Variants in CASK observed in about 807,000 individuals in gnomAD.
The protein encoded by CASK is peripheral plasma membrane protein CASK.
A neutral mutation model predicts 82.9 loss-of-function variants in CASK; 4 were observed. That is an observed-to-expected ratio of 0.05 (90% confidence interval 0.02 to 0.11). The LOEUF is 0.11. Among genes scored for constraint, CASK ranks in the 10% least tolerant of loss-of-function variants. The probability of loss-of-function intolerance (pLI) is 1.00; values close to 1 mark genes in which losing one functional copy is unlikely to be tolerated. For missense variants in CASK, 358 were observed against 720.9 expected (o/e 0.50, Z 5.76); for synonymous variants, 259 against 253.5 (o/e 1.02, Z -0.20).
chrX:41,608,000 C>T (rs1021342912), intron 12 of CASK, among the ~76,000 whole-genome samples: 1 of 112,225 alleles, frequency 8.9e-6, no homozygotes, highest in Non-Finnish European at 1.9e-5. Context: ...ACACTATATA[C>T]AAAGGCCAAA....
chrX:41,830,664 C>CA (rs1467362739), intron 2 of CASK, among the ~76,000 whole-genome samples: 5 of 107,168 alleles, frequency 4.7e-5, no homozygotes, highest in Admixed American at 9.9e-5. Context: ...ACTAAAAATA[C>CA]AAAAAATTAG....
chrX:41,853,080 G>T, intron 2 of CASK, 35 bp downstream of exon 2: 1 of 936,230 alleles, frequency 1.1e-6, no homozygotes, highest in South Asian at 2.0e-5. Context: ...AATAAAGCCA[G>T]ACATCAAATA....
At chrX:41,830,602 T>A (rs74739638) in intron 2 of CASK, among the ~76,000 whole-genome samples, 1 of 107,007 alleles carries the variant, frequency 9.3e-6, no homozygotes, top group Non-Finnish European at 1.9e-5. Context: ...GGGCGGATCA[T>A]GAAGTCAGTA....
At chrX:41,650,800 A>C (rs1051785408) in intron 8 of CASK, among the ~76,000 whole-genome samples, 5 of 111,184 alleles carry the variant, frequency 4.5e-5, no homozygotes, top group African/African-American at 1.6e-4. Flanking sequence ...TTCATATTTA[A>C]ATTTCAACCA....
chrX:41,618,256 C>T (rs1364533833), intron 11 of CASK, among the ~76,000 whole-genome samples: 3 of 112,245 alleles, frequency 2.7e-5, no homozygotes, highest in African/African-American at 9.7e-5. Context: ...TGCTTTTATA[C>T]TTACTACCTT....
chrX:41,613,153 A>G (rs1383257637), intron 11 of CASK, among the ~76,000 whole-genome samples: 14 of 105,985 alleles, frequency 1.3e-4, no homozygotes, highest in East Asian at 3.0e-4. Flanking sequence ...CATTGAGAAC[A>G]GGCCATGATG....
chrX:41,760,966 C>T lies in CASK; in HGVS notation c.279-15365G>A, dbSNP rs775810111. Among the ~76,000 whole-genome samples the T allele has an allele frequency of 2.4e-3, 271 of 111,410 alleles. 1 individual carries two copies. The highest frequency in any genetic ancestry group is 8.5e-3 in the African/African-American group (260 of 30,708). ...ACCAAATCAGTCATAACCATTGCAT[C>T]AGTTTGCTTGCTATCCTGTGTAAGT... On this transcript the variant is annotated intron_variant, in intron 3 of 26. Transcript: ENST00000378163.
intron 19 of CASK, among the ~76,000 whole-genome samples, chrX:41,556,632 A>G (rs1464415937): frequency 8.9e-6 from 1 of 112,163 alleles, no homozygotes; most frequent in Non-Finnish European, 1.9e-5. Flanking sequence ...AGAATAGAAA[A>G]CTACAAAGCC....
At chrX:41,773,571 T>C (rs2069288524) in intron 3 of CASK, among the ~76,000 whole-genome samples, 1 of 110,605 alleles carries the variant, frequency 9.0e-6, no homozygotes, top group Non-Finnish European at 1.9e-5. Context: ...TAGTCATGTG[T>C]TGCTAACGAT....
chrX:41,541,517 T>C (rs1314031184), intron 22 of CASK, among the ~76,000 whole-genome samples: 1 of 112,630 alleles, frequency 8.9e-6, no homozygotes, highest in Non-Finnish European at 1.9e-5. Flanking sequence ...TTACACTGTT[T>C]TTGGAAATAA....
Position 41,710,081 on chromosome X carries a change from T to TTGTGTGTGTGTGTGTGTGTG in CASK, c.429+29283_429+29302dup, listed in dbSNP as rs57963407. Among the ~76,000 whole-genome samples, 123 of 72,175 alleles carry TTGTGTGTGTGTGTGTGTGTG rather than the reference T, an allele frequency of 1.7e-3. 3 individuals are homozygous for TTGTGTGTGTGTGTGTGTGTG. Among genetic ancestry groups the TTGTGTGTGTGTGTGTGTGTG allele is most frequent in the Non-Finnish European group, 2.2e-3 (86 of 38,851 alleles). 62.7% of individuals were successfully genotyped at this position (72,175 alleles called of 115,157 possible). A position where few individuals can be genotyped will look rare whatever the true frequency, so the allele number is the denominator to read the frequency against. On this transcript the variant is annotated intron_variant, in intron 5 of 26. Coordinates refer to ENST00000378163, the MANE Select transcript of CASK (RefSeq NM_001367721.1). ...GTCACTGTTTCCCAGGGTATAGATTTTGTGTGTGTGTGTGTGTGTGTGTGT... is the reference window on the plus strand; with the variant it reads ...GTCACTGTTTCCCAGGGTATAGATTTTGTGTGTGTGTGTGTGTGTGTGTGTGTGTGTGTGTGTGTGTGTGT...
chrX:41,528,402 T>C (rs1020840668), intron 25 of CASK, among the ~76,000 whole-genome samples: 1 of 112,622 alleles, frequency 8.9e-6, no homozygotes, highest in African/African-American at 3.2e-5. Flanking sequence ...ACGTGCTCAA[T>C]TGGGCCTCAG....
intron 2 of CASK, among the ~76,000 whole-genome samples, chrX:41,801,650 G>C (rs1235821759): frequency 3.6e-5 from 4 of 111,443 alleles, no homozygotes; most frequent in African/African-American, 6.5e-5. Context: ...TTGAGGGCAG[G>C]GTTGCATGGT....
chrX:41,574,878 A>C (rs925676130), intron 15 of CASK, among the ~76,000 whole-genome samples: 13 of 112,417 alleles, frequency 1.2e-4, no homozygotes, highest in African/African-American at 3.6e-4. Context: ...ACCACTCCAC[A>C]AACTATAACT....
chrX:41,537,675 TA>T (rs1165182770), intron 22 of CASK, among the ~76,000 whole-genome samples: 1 of 110,681 alleles, frequency 9.0e-6, no homozygotes, highest in African/African-American at 3.3e-5. Flanking sequence ...CAGCGGATTT[TA>T]TATACTAGCA....
chrX:41,593,462 C>T (rs2065774828), intron 12 of CASK, among the ~76,000 whole-genome samples: 1 of 111,498 alleles, frequency 9.0e-6, no homozygotes, highest in African/African-American at 3.3e-5. Flanking sequence ...ACTAGGGATA[C>T]AGAGATGAAA....
intron 2 of CASK, 85 bp from the exon 3 acceptor site, chrX:41,787,368 G>T (rs1313003712): frequency 1.7e-6 from 1 of 591,289 alleles, no homozygotes; most frequent in Non-Finnish European, 3.0e-6. Context: ...TGTGATCTAT[G>T]GTAACATGGA....
intron 26 of CASK, among the ~76,000 whole-genome samples, chrX:41,521,047 G>A (rs111844524): frequency 8.9e-6 from 1 of 112,224 alleles, no homozygotes; most frequent in Non-Finnish European, 1.9e-5. Flanking sequence ...CTTTGCCCCC[G>A]TCCCCTTGGT....
At chrX:41,813,224 G>GA (rs756039964) in intron 2 of CASK, among the ~76,000 whole-genome samples, 5 of 111,223 alleles carry the variant, frequency 4.5e-5, no homozygotes, top group African/African-American at 1.6e-4. Context: ...CTTTCTTCAC[G>GA]AAATTGGAAA....
Sources: gnomAD v4.1 joint callset for allele counts (sites outside exome capture counted in the v4.1 genomes callset) on GRCh38, gnomAD v4.1.1 for gene constraint, MANE v1.5 for transcripts, NCBI Gene and HGNC (gene_info 2026-07-23, HGNC 2026-07-21) for gene names.